The following RAD21 variants were observed in gnomAD, a reference collection of about 807,000 sequenced individuals.
The protein encoded by RAD21 is RAD21 cohesin complex component, also known as double-strand-break repair protein rad21 homolog.
RAD21 carries 18 observed loss-of-function variants against 71.5 expected under a neutral mutation model. The ratio of observed to expected loss-of-function variants is 0.25; its 90% CI spans 0.17 to 0.37. The LOEUF (loss-of-function observed/expected upper bound fraction) is 0.37, where lower values mean the gene tolerates loss of function less well. Ranked by LOEUF, RAD21 falls within the 10% of genes least tolerant of loss-of-function variation. The pLI is 1.00. For missense variants in RAD21, 493 were observed against 769.1 expected (o/e 0.64, Z 4.25); for synonymous variants, 248 against 254.0 (o/e 0.98, Z 0.22).
intron 8 of RAD21, among the ~76,000 whole-genome samples, chr8:116,855,895 T>A (rs188524361): frequency 2.6e-5 from 4 of 152,198 alleles, no homozygotes; most frequent in Non-Finnish European, 5.9e-5. Context: ...TCTATACTTT[T>A]GTATTTCACA....
At chr8:116,862,922 T>G (rs1363537284) in intron 3 of RAD21, among the ~76,000 whole-genome samples, 1 of 152,120 alleles carries the variant, frequency 6.6e-6, no homozygotes, top group Non-Finnish European at 1.5e-5. Flanking sequence ...GTGAGCTCCA[T>G]TACTTCACAG....
rs774740483 is a variant in RAD21, at chr8:116,850,740, G to T, written c.1498C>A (p.Pro500Thr). The T allele has an allele frequency of 6.2e-7, 1 of 1,611,928 alleles. No individual in the cohort carries two copies. ...PPQQVEQMEIPPVELPPEEPP... is the reference protein window; with the variant it reads ...PPQQVEQMEITPVELPPEEPP... Reference sequence around the variant, plus strand: ...TCTTCTGGGGGAAGCTCTACAGGTGGTATTTCCATCTGCTCTACCTGCTGA... The same window carrying T: ...TCTTCTGGGGGAAGCTCTACAGGTGTTATTTCCATCTGCTCTACCTGCTGA... Residue 500 changes from proline to threonine, a missense_variant, in exon 12 of 14, where the codon CCA (proline) becomes ACA (threonine). This residue lies in a region of RAD21 where 225 missense variants were observed against 218.3 expected (regional missense o/e 1.03). Coordinates refer to ENST00000297338, the MANE Select transcript of RAD21 (RefSeq NM_006265.3).
At position 116,856,348 on chromosome 8, in the gene RAD21, C is replaced by CCA. The variant is rs951272825; in HGVS notation, c.815-62_815-61dup. 95 of 1,366,628 alleles carry CCA rather than the reference C, an allele frequency of 7.0e-5. No homozygotes were observed. In the Admixed American group the frequency reaches 1.1e-3, roughly 16 times the overall value. The allele number at this position is 1,366,628 out of a possible 1,614,324, so 84.7% of individuals were successfully genotyped here. On this transcript the variant is annotated intron_variant, in intron 7 of 13. Coordinates refer to ENST00000297338, the MANE Select transcript of RAD21 (RefSeq NM_006265.3). ...AAAGCTTTGGTATATAACATATATC[C>CCA]CACAAATGGGGAGGAGAAAAATCTC... is the stretch of plus-strand genomic sequence containing the variant.
At chr8:116,851,739 A>C in intron 11 of RAD21, 1 of 446,844 alleles carries the variant, frequency 2.2e-6, no homozygotes. Flanking sequence ...TACTATTCAA[A>C]AAGAGTCAGG....
In RAD21 at chr8:116,858,329, CTAA is replaced by C; in HGVS notation, c.481+20_481+22del. The C allele has an allele frequency of 6.6e-7, 1 of 1,517,514 alleles. No homozygotes were observed. Among genetic ancestry groups the C allele is most frequent in the Non-Finnish European group, 9.1e-7 (1 of 1,094,972 alleles). The allele number at this position is 1,517,514 out of a possible 1,614,324, so 94.0% of individuals were successfully genotyped here. ...CACAATATAACATTATAATTAATGG[CTAA>C]TAATTTGTTTCTCTTTTACCAAAAT... On this transcript the variant is annotated intron_variant, in intron 5 of 13. Transcript: ENST00000297338.
chr8:116,850,558 A>C (rs193214840), intron 12 of RAD21, 60 bp downstream of exon 12: 2 of 1,576,474 alleles, frequency 1.3e-6, no homozygotes, highest in African/African-American at 2.7e-5. Flanking sequence ...CCCAATATGA[A>C]AAATAAAGCT....
Position 116,868,192 on chromosome 8 carries a change from A to T in RAD21, c.-32-1431T>A, listed in dbSNP as rs190740250. Among the ~76,000 whole-genome samples the T allele has an allele frequency of 1.2e-4, 18 of 152,320 alleles. No homozygotes were observed. The East Asian group carries it at 2.9e-3, about 24-fold the overall frequency. Reference sequence around the variant, plus strand: ...CAAGTAGTTGGAACTACAGGCATTGAGTCACCACACTGGACTTAATTTTGT... The same window carrying T: ...CAAGTAGTTGGAACTACAGGCATTGTGTCACCACACTGGACTTAATTTTGT... On this transcript the variant is annotated intron_variant, in intron 1 of 13. Coordinates refer to ENST00000297338, the MANE Select transcript of RAD21 (RefSeq NM_006265.3).
intron 1 of RAD21, among the ~76,000 whole-genome samples, chr8:116,869,446 G>A (rs1812764828): frequency 6.6e-6 from 1 of 152,164 alleles, no homozygotes; most frequent in Non-Finnish European, 1.5e-5. Context: ...ACTGCTACGT[G>A]TGGTGGCATG....
In RAD21 at chr8:116,858,207, T is replaced by C. The variant is rs16888943; in HGVS notation, c.481+145A>G. The C allele has an allele frequency of 2.0e-3, 1,263 of 632,818 alleles. 11 individuals are homozygous for C. Among genetic ancestry groups the C allele is most frequent in the African/African-American group, 0.02 (1,086 of 54,474 alleles). 39.2% of individuals were successfully genotyped at this position (632,818 alleles called of 1,614,324 possible). ...ATGAAAATAATGCTTAATCTACTGG[T>C]AGAAAGCCAAATTCTTTTCTTGATG... On this transcript the variant is annotated intron_variant, in intron 5 of 13. Coordinates refer to ENST00000297338, the MANE Select transcript of RAD21 (RefSeq NM_006265.3).
intron 8 of RAD21, among the ~76,000 whole-genome samples, chr8:116,855,510 CT>C (rs1301384587): frequency 6.6e-6 from 1 of 151,962 alleles, no homozygotes; most frequent in African/African-American, 2.4e-5. Flanking sequence ...AAAAAAATTT[CT>C]TTTTTCAGAA....
At chr8:116,849,560 T>C (rs377248738) in intron 12 of RAD21, 6 of 152,420 alleles carry the variant, frequency 3.9e-5, no homozygotes, top group South Asian at 2.1e-4. Flanking sequence ...GAATGGGCTA[T>C]ACTCCTTATT....
Position 116,850,758 on chromosome 8 carries a change from C to T in RAD21, c.1480G>A (p.Val494Ile), listed in dbSNP as rs1310676711. The T allele has an allele frequency of 6.3e-7, 1 of 1,595,732 alleles. No individual in the cohort carries two copies. Among genetic ancestry groups the T allele is most frequent in the Non-Finnish European group, 8.6e-7 (1 of 1,163,556 alleles). The change falls in exon 12 of 14, where the codon GTA becomes ATA. Residue 494 changes from valine to isoleucine, a missense_variant. By Grantham distance (29) the Val-to-Ile change is conservative. Transcript: ENST00000297338. The stretch of plus-strand genomic sequence containing the variant: ...ACAGGTGGTATTTCCATCTGCTCTA[C>T]CTGCTGAGGCTTAAAGCAATACAAA... ...DPEPVMPPQQVEQMEIPPVEL... is the reference protein window; with the variant it reads ...DPEPVMPPQQIEQMEIPPVEL...
chr8:116,870,792 T>C (rs1812805576), intron 1 of RAD21, among the ~76,000 whole-genome samples: 1 of 152,244 alleles, frequency 6.6e-6, no homozygotes, highest in South Asian at 2.1e-4. Flanking sequence ...AATATGTGCT[T>C]AATGAATAAG....
chr8:116,874,629 T>A lies in RAD21; in HGVS notation c.-51A>T, dbSNP rs16889189. 0.034 allele frequency: 9,337 copies of A among 272,758 alleles called. 186 individuals are homozygous for A. The highest frequency in any genetic ancestry group is 0.1 in the African/African-American group (2,279 of 21,782). The allele number at this position is 272,758 out of a possible 1,614,324, so 16.9% of individuals were successfully genotyped here. On this transcript the variant is annotated 5_prime_UTR_variant, in exon 1 of 14. Transcript: ENST00000297338. ...CTCTTACCTTGCTCTCCGCTGGGAG[T>A]TGGGCGGGCTGGGTGGCCCGGGGAG...
At chr8:116,872,259 T>C (rs3020131) in intron 1 of RAD21, among the ~76,000 whole-genome samples, 16,816 of 152,194 alleles carry the variant, frequency 0.11, 2,055 homozygotes, top group African/African-American at 0.3. Context: ...TGGTTTTGGT[T>C]CTGGAACCAA....
chr8:116,852,035 T>A lies in RAD21; in HGVS notation c.1383A>T (p.Thr461=), dbSNP rs61758753. The stretch of plus-strand genomic sequence containing the variant: ...GAGGCATAGCTGACTCATCTATGTT[T>A]GTTCTGCTGGCCTCCATCACTGACT... The part of the protein sequence containing the change: ...LQESVMEASR[T]NIDESAMPPP... Residue 461 remains threonine, a synonymous_variant, in exon 11 of 14, where the codon ACA becomes ACT. Transcript: ENST00000297338. 6.2e-7 allele frequency: 1 copy of A among 1,612,678 alleles called. No homozygotes were observed. Among genetic ancestry groups the A allele is most frequent in the Non-Finnish European group, 8.5e-7 (1 of 1,178,868 alleles).
At chr8:116,872,850 CCT>C (rs535382119) in intron 1 of RAD21, among the ~76,000 whole-genome samples, 65 of 152,160 alleles carry the variant, frequency 4.3e-4, no homozygotes, top group Non-Finnish European at 2.9e-4. Flanking sequence ...CTAGAAATCT[CCT>C]CTGTTTTGGT....
At chr8:116,856,440 C>A in intron 7 of RAD21, 152 bp from the exon 8 acceptor site, 1 of 1,288,402 alleles carries the variant, frequency 7.8e-7, no homozygotes, top group East Asian at 2.8e-5. Flanking sequence ...TGGGAAAGCC[C>A]CGCCAGACTT....
At chr8:116,867,274 G>A (rs906445079) in intron 1 of RAD21, among the ~76,000 whole-genome samples, 2 of 152,102 alleles carry the variant, frequency 1.3e-5, no homozygotes, top group African/African-American at 4.8e-5. Flanking sequence ...CTAAGCAGAT[G>A]GGCTGGCCCC....
Sources: allele counts gnomAD v4.1 joint callset (sites outside exome capture counted in the v4.1 genomes callset), GRCh38; gene constraint gnomAD v4.1.1; regional missense constraint gnomAD v4.1.1; transcripts MANE v1.5; gene names NCBI Gene and HGNC (gene_info 2026-07-23, HGNC 2026-07-21).